The following SMARCA1 variants were observed in gnomAD, a reference collection of about 807,000 sequenced individuals.
The protein encoded by SMARCA1 is SWI/SNF-related matrix-associated actin-dependent regulator of chromatin subfamily A member 1.
SMARCA1 carries 17 observed loss-of-function variants against 93.6 expected under a neutral mutation model. The observed-to-expected ratio is 0.18, with a 90% CI of 0.12 to 0.27. The LOEUF (loss-of-function observed/expected upper bound fraction) is 0.27, where lower values mean the gene tolerates loss of function less well. Among genes scored for constraint, SMARCA1 ranks in the 10% least tolerant of loss-of-function variants. The pLI, the probability that SMARCA1 is intolerant of heterozygous loss-of-function variation, is 1.00. For missense variants in SMARCA1, 630 were observed against 819.0 expected (o/e 0.77, Z 2.82); for synonymous variants, 271 against 271.4 (o/e 1.00, Z 0.01).
chrX:129,508,417 G>A, intron 6 of SMARCA1, among the ~76,000 whole-genome samples: 1 of 112,296 alleles, frequency 8.9e-6, no homozygotes, highest in East Asian at 2.8e-4. Context: ...ATATCATGGG[G>A]CATCCAAAAG....
In SMARCA1 at chrX:129,507,694, C is replaced by T. The variant is rs183728241; in HGVS notation, c.966+247G>A. ...TCAGCCTCCCAAGTAGCTGGGACTA[C>T]AGGCATGCACCACCACACCCTGATA... On this transcript the variant is annotated intron_variant, in intron 7 of 24. Transcript: ENST00000371121. Among the ~76,000 whole-genome samples the T allele has an allele frequency of 7.6e-3, 849 of 112,130 alleles. 8 individuals are homozygous for T. Among genetic ancestry groups the T allele is most frequent in the African/African-American group, 0.026 (814 of 30,869 alleles).
chrX:129,467,734 T>A (rs559907475), intron 21 of SMARCA1, among the ~76,000 whole-genome samples: 1 of 111,088 alleles, frequency 9.0e-6, no homozygotes. Flanking sequence ...TTCCTAGCTA[T>A]TATTAATCTT....
chrX:129,458,645 T>C (rs1029348359), intron 23 of SMARCA1, among the ~76,000 whole-genome samples: 2 of 112,041 alleles, frequency 1.8e-5, no homozygotes, highest in African/African-American at 6.5e-5. Context: ...AAGTGACTTA[T>C]TGAAAGAGAT....
chrX:129,462,833 G>T (rs757836629), intron 23 of SMARCA1, among the ~76,000 whole-genome samples: 1 of 108,617 alleles, frequency 9.2e-6, no homozygotes, highest in East Asian at 2.8e-4. Context: ...TACATTTCTC[G>T]GTAAAGAAAG....
At chrX:129,482,232 A>G (rs1184056524) in intron 17 of SMARCA1, among the ~76,000 whole-genome samples, 1 of 99,777 alleles carries the variant, frequency 1.0e-5, no homozygotes, top group Non-Finnish European at 2.0e-5. Flanking sequence ...CCTAATGCTA[A>G]ATGACGAGTT....
At chrX:129,475,790 T>C (rs1049743305) in intron 19 of SMARCA1, among the ~76,000 whole-genome samples, 1 of 112,099 alleles carries the variant, frequency 8.9e-6, no homozygotes, top group Admixed American at 9.4e-5. Flanking sequence ...AAGCATTGCA[T>C]AGGAAATATG....
At chrX:129,523,107 C>T (rs113446585) in intron 1 of SMARCA1, 90 bp downstream of exon 1, 4 of 1,019,573 alleles carry the variant, frequency 3.9e-6, no homozygotes, top group Non-Finnish European at 5.3e-6. Context: ...TCCGCGGGTA[C>T]CTGTCGGCGC....
At chrX:129,468,059 G>A (rs1326602956) in intron 21 of SMARCA1, among the ~76,000 whole-genome samples, 2 of 112,223 alleles carry the variant, frequency 1.8e-5, no homozygotes, top group African/African-American at 3.2e-5. Flanking sequence ...AAGAGGTTTC[G>A]CCCAGGGAGG....
chrX:129,495,680 GA>G (rs1487467435), intron 12 of SMARCA1, among the ~76,000 whole-genome samples: 1 of 109,475 alleles, frequency 9.1e-6, no homozygotes, highest in Non-Finnish European at 1.9e-5. Flanking sequence ...CACCTGGCCA[GA>G]ACTTAAATCT....
At chrX:129,459,391 C>G (rs1016647019) in intron 23 of SMARCA1, among the ~76,000 whole-genome samples, 2 of 111,912 alleles carry the variant, frequency 1.8e-5, no homozygotes, top group African/African-American at 6.5e-5. Flanking sequence ...TGCACTCCAG[C>G]CTGGCAACAG....
chrX:129,523,391 T>G lies in SMARCA1; in HGVS notation c.-21A>C. The G allele has an allele frequency of 3.5e-6, 4 of 1,144,785 alleles. No individual in the cohort carries two copies. Among genetic ancestry groups the G allele is most frequent in the Non-Finnish European group, 4.6e-6 (4 of 864,108 alleles). 94.3% of individuals were successfully genotyped at this position (1,144,785 alleles called of 1,213,427 possible). A position where few individuals can be genotyped will look rare whatever the true frequency, so the allele number is the denominator to read the frequency against. ...TCCATGCCGTGGGAGCGGGAACGAG[T>G]AGGGGGACAAGGCAGGGGACGAGGG... On this transcript the variant is annotated 5_prime_UTR_variant, in exon 1 of 25. Transcript: ENST00000371121.
chrX:129,516,620 A>G, intron 2 of SMARCA1, 123 bp from the exon 3 acceptor site: 1 of 561,700 alleles, frequency 1.8e-6, no homozygotes, highest in Admixed American at 3.6e-5. Flanking sequence ...AATTCTCTTA[A>G]GAAACCTATG....
intron 19 of SMARCA1, among the ~76,000 whole-genome samples, chrX:129,471,773 C>A (rs1933135068): frequency 9.0e-6 from 1 of 111,365 alleles, no homozygotes; most frequent in Admixed American, 9.6e-5. Flanking sequence ...TTATTGCCTG[C>A]CAAGGTATGT....
chrX:129,447,383 C>A (rs191268475), intron 24 of SMARCA1, 150 bp from the exon 25 acceptor site: 24 of 513,085 alleles, frequency 4.7e-5, no homozygotes, highest in African/African-American at 4.6e-4. Flanking sequence ...TTCTATATAG[C>A]CCAACAAACT....
At position 129,481,159 on chromosome X, in the gene SMARCA1, A is replaced by G. The variant is rs1271574508; in HGVS notation, c.2244T>C (p.Pro748=). The G allele has an allele frequency of 8.3e-7, 1 of 1,201,447 alleles. No individual in the cohort carries two copies. Among genetic ancestry groups the G allele is most frequent in the Non-Finnish European group, 1.1e-6 (1 of 886,722 alleles). Residue 748 remains proline (P), a synonymous_variant, in exon 18 of 25, where the codon CCT becomes CCC. Coordinates refer to ENST00000371121, the MANE Select transcript of SMARCA1 (RefSeq NM_001282874.2). ...AGTTTGCTTTGCGTTCTCGTTTAGG[A>G]GGTTCAATCCATTCCACCATGCCAA... ...QKLGMVEWIE[P]PKRERKANYA...
rs1932544331 is a variant in SMARCA1 at position 129,455,155 on chromosome X, T to C, written c.3031-6712A>G. On this transcript the variant is annotated intron_variant, in intron 23 of 24. Coordinates refer to ENST00000371121, the MANE Select transcript of SMARCA1 (RefSeq NM_001282874.2). ...ATTCTACTCTAAAGACACATGCACA[T>C]GTATGTTTATTGCAGCACTTTTCAC... is the stretch of plus-strand genomic sequence containing the variant. Among the ~76,000 whole-genome samples the C allele has an allele frequency of 4.5e-5, 5 of 111,554 alleles. No homozygotes were observed. The South Asian group carries it at 1.9e-3, about 42-fold the overall frequency.
At chrX:129,489,576 G>C (rs868767244) in intron 15 of SMARCA1, among the ~76,000 whole-genome samples, 1 of 112,328 alleles carries the variant, frequency 8.9e-6, no homozygotes, top group Admixed American at 9.4e-5. Flanking sequence ...GTTTGTTTTT[G>C]AGACAGTGTC....
At chrX:129,448,628 T>C (rs1185162944) in intron 23 of SMARCA1, among the ~76,000 whole-genome samples, 185 bp from the exon 24 acceptor site, 1 of 111,020 alleles carries the variant, frequency 9.0e-6, no homozygotes, top group African/African-American at 3.3e-5. Flanking sequence ...ATGTCATTTA[T>C]GGATGACTGG....
chrX:129,504,546 G>GAAAAAA (rs1934703363), intron 9 of SMARCA1, among the ~76,000 whole-genome samples, 188 bp downstream of exon 9: 1 of 11,579 alleles, frequency 8.6e-5, no homozygotes, highest in African/African-American at 5.8e-4. Flanking sequence ...GGACATAGAG[G>GAAAAAA]AATAAAAAAA....
Sources: allele counts gnomAD v4.1 joint callset (sites outside exome capture counted in the v4.1 genomes callset), GRCh38; gene constraint gnomAD v4.1.1; transcripts MANE v1.5; gene names NCBI Gene and HGNC (gene_info 2026-07-23, HGNC 2026-07-21).